NRP1: variants seen among roughly 807,000 people sequenced by gnomAD.
NRP1 encodes neuropilin-1.
NRP1 carries 35 observed loss-of-function variants against 106.7 expected under a neutral mutation model. The observed-to-expected ratio is 0.33, with a 90% CI of 0.25 to 0.43. NRP1 has a LOEUF of 0.43. Among genes scored for constraint, NRP1 ranks in the 20% least tolerant of loss-of-function variants. NRP1 has a pLI of 1.00. For synonymous variants in NRP1, 437 were observed against 417.9 expected (o/e 1.05, Z -0.56); for missense variants, 1,024 against 1,170.4 (o/e 0.87, Z 1.83).
intron 2 of NRP1, among the ~76,000 whole-genome samples, chr10:33,293,616 A>G (rs1343813245): frequency 6.6e-6 from 1 of 152,172 alleles, no homozygotes; most frequent in African/African-American, 2.4e-5. Context: ...TGGATTCTGG[A>G]TTCTCTGCTT....
chr10:33,284,518 T>C (rs1005498351), intron 2 of NRP1, among the ~76,000 whole-genome samples: 1 of 152,224 alleles, frequency 6.6e-6, no homozygotes, highest in African/African-American at 2.4e-5. Flanking sequence ...ACATTACAGG[T>C]TCCTGAAATT....
chr10:33,270,385 G>A (rs953772976), intron 3 of NRP1, among the ~76,000 whole-genome samples: 7 of 147,138 alleles, frequency 4.8e-5, no homozygotes, highest in African/African-American at 1.5e-4. Flanking sequence ...AGAGTGCAAT[G>A]GCCTGTGCTC....
chr10:33,202,194 G>A (rs1837371139), intron 11 of NRP1: 1 of 155,476 alleles, frequency 6.4e-6, no homozygotes, highest in Non-Finnish European at 1.4e-5. Context: ...TTTCCAAATG[G>A]TATAATCCCA....
intron 9 of NRP1, 57 bp from the exon 10 acceptor site, chr10:33,207,773 T>G: frequency 2.5e-6 from 4 of 1,578,428 alleles, no homozygotes; most frequent in Non-Finnish European, 3.5e-6. Flanking sequence ...AGCTCCCTTT[T>G]AGCAACTGTT....
chr10:33,254,005 A>G (rs1842034377), intron 6 of NRP1, 23 bp downstream of exon 6: 2 of 1,582,394 alleles, frequency 1.3e-6, no homozygotes, highest in East Asian at 4.5e-5. Context: ...AATCCTAGAT[A>G]GGCTTGATCT....
chr10:33,221,314 G>A (rs1336286030), intron 8 of NRP1, among the ~76,000 whole-genome samples: 2 of 152,212 alleles, frequency 1.3e-5, no homozygotes, highest in Non-Finnish European at 2.9e-5. Flanking sequence ...AGGAAGCAGA[G>A]ATGAACGGCA....
chr10:33,187,754 G>C (rs1398189101), intron 13 of NRP1, among the ~76,000 whole-genome samples: 1 of 152,208 alleles, frequency 6.6e-6, no homozygotes, highest in Admixed American at 6.5e-5. Context: ...GCAAGAGGTT[G>C]TGTTTGTTGC....
intron 6 of NRP1, among the ~76,000 whole-genome samples, chr10:33,242,316 C>T (rs1175117644): frequency 2.0e-5 from 3 of 152,080 alleles, no homozygotes; most frequent in Non-Finnish European, 2.9e-5. Context: ...GAATTCTTGC[C>T]ATTTTATATT....
intron 2 of NRP1, among the ~76,000 whole-genome samples, chr10:33,302,200 G>A (rs928871812): frequency 3.3e-5 from 5 of 152,160 alleles, no homozygotes; most frequent in South Asian, 2.1e-4. Flanking sequence ...CAAACTAGAC[G>A]CATTTTAATG....
chr10:33,260,201 T>C (rs1220514367), intron 4 of NRP1, among the ~76,000 whole-genome samples: 1 of 152,112 alleles, frequency 6.6e-6, no homozygotes, highest in Non-Finnish European at 1.5e-5. Flanking sequence ...TTTTGAATAA[T>C]AAACGAAAAA....
intron 2 of NRP1, among the ~76,000 whole-genome samples, chr10:33,281,854 T>A (rs1588912988): frequency 6.6e-6 from 1 of 152,236 alleles, no homozygotes; most frequent in East Asian, 1.9e-4. Flanking sequence ...GAGAACCAAA[T>A]GGAGAAGAGC....
chr10:33,218,934 C>A (rs988062510), intron 8 of NRP1, among the ~76,000 whole-genome samples: 1 of 152,166 alleles, frequency 6.6e-6, no homozygotes, highest in African/African-American at 2.4e-5. Context: ...ATGAGGCAAA[C>A]AGGTCCCCTG....
In NRP1 at chr10:33,330,702, A is replaced by G; in HGVS notation, c.248+6T>C. Reference sequence around the variant, plus strand: ...TGGTGCCCTGTTCAAAAACATTCCCACTTACTTGCAGTCTCTGTCCTCCAA... The same window carrying G: ...TGGTGCCCTGTTCAAAAACATTCCCGCTTACTTGCAGTCTCTGTCCTCCAA... On this transcript the variant is annotated splice_donor_region_variant and intron_variant, in intron 2 of 16. Coordinates refer to ENST00000374867, the MANE Select transcript of NRP1 (RefSeq NM_003873.7). 1 of 1,607,914 alleles carries G rather than the reference A, an allele frequency of 6.2e-7. No individual in the cohort carries two copies.
At chr10:33,206,120 C>T (rs1837754783) in intron 10 of NRP1, 2 of 479,594 alleles carry the variant, frequency 4.2e-6, no homozygotes, top group East Asian at 5.6e-5. Flanking sequence ...AAAACTGCCA[C>T]CAGGCTGTCT....
Position 33,177,837 on chromosome 10 carries a change from A to T in NRP1, c.*2239T>A, listed in dbSNP as rs1835466377. On this transcript the variant is annotated 3_prime_UTR_variant, in exon 17 of 17. Transcript: ENST00000374867. ...AATATGTTATTTTACACCTTTAAAA[A>T]TTACAAAACAATCTAAAACAATATA... 6.6e-6 allele frequency: 1 copy of T among 152,636 alleles called. No homozygotes were observed. The highest frequency in any genetic ancestry group is 2.1e-4 in the South Asian group (1 of 4,834). 9.5% of individuals were successfully genotyped at this position (152,636 alleles called of 1,614,324 possible). A position where few individuals can be genotyped will look rare whatever the true frequency, so the allele number is the denominator to read the frequency against.
chr10:33,247,362 T>C (rs1447049927), intron 6 of NRP1, among the ~76,000 whole-genome samples: 5 of 152,228 alleles, frequency 3.3e-5, no homozygotes, highest in African/African-American at 1.2e-4. Flanking sequence ...GCCATTGTGT[T>C]ATTTTTCATG....
chr10:33,265,666 C>T (rs934287774), intron 3 of NRP1, among the ~76,000 whole-genome samples: 26 of 152,146 alleles, frequency 1.7e-4, no homozygotes, highest in Middle Eastern at 3.2e-3. Context: ...CTTAGATGGG[C>T]CCAGTAAACC....
chr10:33,186,327 A>G lies in NRP1; in HGVS notation c.2224T>C (p.Tyr742His), dbSNP rs1433051547. The part of the protein sequence containing the change: ...HVGTLRVKLR[Y>H]QKPEEYDQLV... ...TGATCGTACTCCTCTGGCTTCTGGTAGCGCAGTTTGACCCTGAGTGTGCCG... is the reference window on the plus strand; with the variant it reads ...TGATCGTACTCCTCTGGCTTCTGGTGGCGCAGTTTGACCCTGAGTGTGCCG... Residue 742 changes from tyrosine (Y) to histidine (H), a missense_variant, in exon 14 of 17, where the codon TAC (tyrosine) becomes CAC (histidine). By Grantham distance (83) the Tyr-to-His change is moderately conservative. This residue lies in a region of NRP1 where 562 missense variants were observed against 620.3 expected (regional missense o/e 0.91). Coordinates refer to ENST00000374867, the MANE Select transcript of NRP1 (RefSeq NM_003873.7). The G allele has an allele frequency of 3.7e-6, 6 of 1,614,120 alleles. No individual in the cohort carries two copies. Among genetic ancestry groups the G allele is most frequent in the East Asian group, 2.2e-5 (1 of 44,874 alleles).
chr10:33,299,510 G>T (rs1027361409), intron 2 of NRP1, among the ~76,000 whole-genome samples: 1 of 152,172 alleles, frequency 6.6e-6, no homozygotes, highest in African/African-American at 2.4e-5. Flanking sequence ...AGGGCGTGGT[G>T]GCTCACACCT....
Sources: gnomAD v4.1 joint callset for allele counts (sites outside exome capture counted in the v4.1 genomes callset) on GRCh38, gnomAD v4.1.1 for gene constraint, gnomAD v4.1.1 regional missense constraint, MANE v1.5 for transcripts, NCBI Gene and HGNC (gene_info 2026-07-23, HGNC 2026-07-21) for gene names.